EHF: variants seen among roughly 807,000 people sequenced by gnomAD.
EHF encodes ETS homologous factor.
A neutral mutation model predicts 45.1 loss-of-function variants in EHF; 14 were observed. That is an observed-to-expected ratio of 0.31 (90% CI 0.21 to 0.49). The LOEUF is 0.49. EHF is among the 20% of genes least tolerant of loss of function. EHF has a pLI of 0.99. For synonymous variants in EHF, 136 were observed against 131.8 expected, an observed-to-expected ratio of 1.03 and a Z score of -0.22; for missense variants, 282 against 371.4, an observed-to-expected ratio of 0.76 and a Z score of 1.98.
rs1368707513 is a variant in EHF at position 34,663,028 on chromosome 11, C to A, written c.*4097C>A. On this transcript the variant is annotated 3_prime_UTR_variant, in exon 9 of 9. Transcript: ENST00000257831. Reference sequence around the variant, plus strand: ...AACGTACAAGCCTTCACAAGTTTAACTAAATTGGGATTAATCTTTCTGTAG... The same window carrying A: ...AACGTACAAGCCTTCACAAGTTTAAATAAATTGGGATTAATCTTTCTGTAG... Among the ~76,000 whole-genome samples, 1 of 152,000 alleles carries A rather than the reference C, an allele frequency of 6.6e-6. No individual in the cohort carries two copies. The highest frequency in any genetic ancestry group is 1.5e-5 in the Non-Finnish European group (1 of 67,984).
chr11:34,656,891 C>T lies in EHF; in HGVS notation c.545-17C>T. On this transcript the variant is annotated splice_polypyrimidine_tract_variant and intron_variant, in intron 6 of 8. Transcript: ENST00000257831. ...TAGGAAATAGGTCAATTAAACGCCT[C>T]TCATTTTTCTCCTTAGCAGAGTCAC... 6.2e-7 allele frequency: 1 copy of T among 1,612,766 alleles called. No individual in the cohort carries two copies. Among genetic ancestry groups the T allele is most frequent in the Non-Finnish European group, 8.5e-7 (1 of 1,179,368 alleles).
chr11:34,630,609 T>C (rs573756561), intron 1 of EHF, among the ~76,000 whole-genome samples: 2 of 152,302 alleles, frequency 1.3e-5, no homozygotes, highest in East Asian at 3.9e-4. Flanking sequence ...TAGTTCATCC[T>C]GACCCCTCCC....
rs1855946269 is a variant in EHF at position 34,659,417 on chromosome 11, G to A, written c.*486G>A. 6.5e-6 allele frequency: 1 copy of A among 153,714 alleles called. No individual in the cohort carries two copies. Among genetic ancestry groups the A allele is most frequent in the South Asian group, 2.1e-4 (1 of 4,874 alleles). The allele number at this position is 153,714 out of a possible 1,614,324, so 9.5% of individuals were successfully genotyped here. On this transcript the variant is annotated 3_prime_UTR_variant, in exon 9 of 9. Transcript: ENST00000257831. ...AAATTCCAGGGTCTCAGATGGTTAG[G>A]ACAAAGTGGATGGATGCCGGGAAGT...
At chr11:34,647,573 G>A (rs1472984321) in intron 3 of EHF, among the ~76,000 whole-genome samples, 1 of 152,236 alleles carries the variant, frequency 6.6e-6, no homozygotes, top group East Asian at 1.9e-4. Flanking sequence ...TTTAAGAACA[G>A]GGAGTTGGCC....
In EHF at chr11:34,659,114, T is replaced by C; in HGVS notation, c.*183T>C. On this transcript the variant is annotated 3_prime_UTR_variant, in exon 9 of 9. Coordinates refer to ENST00000257831, the MANE Select transcript of EHF (RefSeq NM_012153.6). ...TCGATTAAAAAAATTATTTTGTTAC[T>C]TCGAAGTATGTCCTATATGGGGAAA... 1.8e-6 allele frequency: 1 copy of C among 546,320 alleles called. No homozygotes were observed. Among genetic ancestry groups the C allele is most frequent in the Non-Finnish European group, 3.2e-6 (1 of 313,606 alleles). 33.8% of individuals were successfully genotyped at this position (546,320 alleles called of 1,614,324 possible).
intron 6 of EHF, among the ~76,000 whole-genome samples, chr11:34,653,865 C>T (rs763730046): frequency 5.9e-5 from 9 of 152,158 alleles, no homozygotes; most frequent in Non-Finnish European, 1.3e-4. Flanking sequence ...CGAGGCCCAG[C>T]GTAAACTGAT....
chr11:34,645,434 T>A (rs1162913751), intron 2 of EHF, among the ~76,000 whole-genome samples: 1 of 152,174 alleles, frequency 6.6e-6, no homozygotes, highest in Non-Finnish European at 1.5e-5. Flanking sequence ...ATGGTGAGCA[T>A]CTACTATGAC....
At chr11:34,642,980 T>C (rs1472877372) in intron 2 of EHF, among the ~76,000 whole-genome samples, 2 of 151,480 alleles carry the variant, frequency 1.3e-5, no homozygotes, top group Non-Finnish European at 2.9e-5. Context: ...TGAAGGGGGG[T>C]AGAAGAGATG....
At chr11:34,634,954 G>T (rs1256727585) in intron 1 of EHF, among the ~76,000 whole-genome samples, 4 of 152,048 alleles carry the variant, frequency 2.6e-5, no homozygotes, top group Non-Finnish European at 5.9e-5. Flanking sequence ...TTCTCTTCCA[G>T]TTCCAATTCT....
chr11:34,646,795 C>A, intron 3 of EHF, 111 bp downstream of exon 3: 1 of 1,361,132 alleles, frequency 7.3e-7, no homozygotes. Flanking sequence ...GTGGTCTCAC[C>A]TCCAAATTAC....
intron 1 of EHF, among the ~76,000 whole-genome samples, chr11:34,635,068 T>C (rs1853256276): frequency 6.6e-6 from 1 of 152,194 alleles, no homozygotes; most frequent in South Asian, 2.1e-4. Context: ...TGAGCATTGA[T>C]TGAGATAATC....
intron 1 of EHF, chr11:34,631,443 C>T (rs1050609723): frequency 3.1e-5 from 11 of 357,026 alleles, no homozygotes; most frequent in Non-Finnish European, 3.9e-5. Flanking sequence ...TTGTTTAGCT[C>T]CTTGTGGCCC....
intron 6 of EHF, among the ~76,000 whole-genome samples, chr11:34,652,740 T>C (rs1337653803): frequency 6.6e-6 from 1 of 152,196 alleles, no homozygotes; most frequent in African/African-American, 2.4e-5. Context: ...CTTCCTCTTT[T>C]TTTCTGTTTT....
At chr11:34,650,537 C>T (rs1274227281) in intron 4 of EHF, among the ~76,000 whole-genome samples, 1 of 152,144 alleles carries the variant, frequency 6.6e-6, no homozygotes. Flanking sequence ...CAAAATGAAA[C>T]TCAGTCAGTG....
intron 2 of EHF, among the ~76,000 whole-genome samples, chr11:34,645,159 T>C (rs1000369631): frequency 2.0e-5 from 3 of 152,180 alleles, no homozygotes; most frequent in South Asian, 2.1e-4. Context: ...CCCTGTTACA[T>C]GCCCTCAGAT....
At chr11:34,640,285 G>A (rs1729686811) in intron 1 of EHF, among the ~76,000 whole-genome samples, 1 of 152,172 alleles carries the variant, frequency 6.6e-6, no homozygotes, top group Admixed American at 6.5e-5. Flanking sequence ...AGGAAGCATA[G>A]CTGGCCCAGG....
intron 4 of EHF, among the ~76,000 whole-genome samples, chr11:34,649,445 G>A (rs1015052814): frequency 6.6e-5 from 10 of 152,144 alleles, no homozygotes; most frequent in Admixed American, 5.9e-4. Context: ...AGAGGAAGGG[G>A]CAATGTCTCC....
At chr11:34,631,673 C>A in intron 1 of EHF, 1 of 661,560 alleles carries the variant, frequency 1.5e-6, no homozygotes, top group Non-Finnish European at 1.9e-6. Flanking sequence ...AACTGTGGTC[C>A]GGGAACCAGG....
intron 4 of EHF, 99 bp from the exon 5 acceptor site, chr11:34,651,443 C>CA: frequency 1.1e-6 from 1 of 937,122 alleles, no homozygotes; most frequent in Non-Finnish European, 1.7e-6. Flanking sequence ...CCACTCCTCA[C>CA]CCCCCATACT....
Sources: gnomAD v4.1 joint callset for allele counts (sites outside exome capture counted in the v4.1 genomes callset) on GRCh38, gnomAD v4.1.1 for gene constraint, MANE v1.5 for transcripts, NCBI Gene and HGNC (gene_info 2026-07-23, HGNC 2026-07-21) for gene names.